SAXO1: variants seen among roughly 807,000 people sequenced by gnomAD.
The protein encoded by SAXO1 is stabilizer of axonemal microtubules 1.
Under a neutral mutation model 17.5 loss-of-function variants are expected in SAXO1, and 21 were observed. The ratio of observed to expected loss-of-function variants is 1.20; its 90% CI spans 0.85 to 1.72. The LOEUF (loss-of-function observed/expected upper bound fraction) is 1.72. SAXO1 is among the 40% of genes most tolerant of loss of function. SAXO1 has a pLI of 0.00. For missense variants in SAXO1, 843 were observed against 596.0 expected (o/e 1.41, Z -4.32); for synonymous variants, 274 against 216.5 (o/e 1.27, Z -2.33).
intron 3 of SAXO1, among the ~76,000 whole-genome samples, chr9:18,938,360 G>C (rs150600865): frequency 1.4e-3 from 217 of 152,276 alleles, no homozygotes; most frequent in African/African-American, 4.9e-3. Flanking sequence ...GGTAGCATCT[G>C]TTTCTGGGGA....
intron 1 of SAXO1, among the ~76,000 whole-genome samples, chr9:19,021,777 G>C (rs1311028757): frequency 2.0e-5 from 3 of 152,216 alleles, no homozygotes; most frequent in African/African-American, 7.2e-5. Flanking sequence ...CTGTAAAACT[G>C]CACCAGTCAG....
intron 1 of SAXO1, among the ~76,000 whole-genome samples, chr9:18,957,595 A>T (rs1832306567): frequency 6.6e-6 from 1 of 152,212 alleles, no homozygotes; most frequent in African/African-American, 2.4e-5. Flanking sequence ...AGCAGTGCAG[A>T]TAATGCATTC....
In SAXO1 at chr9:18,928,602, A is replaced by G. The variant is rs1830889160; in HGVS notation, c.875T>C (p.Ile292Thr). ...CCTGTCTTCGGGAGGGACGTAGGTG[A>G]TGGGAGCTTTGGAGAACATCCGGGG... is the stretch of plus-strand genomic sequence containing the variant. Reference protein sequence around the residue: ...PMPRMFSKAPITYVPPEDRMD... With the variant: ...PMPRMFSKAPTTYVPPEDRMD... The change falls in exon 4 of 4, where the codon ATC (isoleucine) becomes ACC (threonine). Residue 292 changes from isoleucine (I) to threonine (T), a missense_variant. Physicochemically the swap from Ile to Thr is moderately conservative, Grantham distance 89. Transcript: ENST00000380534. The G allele has an allele frequency of 6.2e-7, 1 of 1,613,982 alleles. No homozygotes were observed. Among genetic ancestry groups the G allele is most frequent in the African/African-American group, 1.3e-5 (1 of 74,884 alleles).
At chr9:19,027,947 C>A in intron 1 of SAXO1, 1 of 1,449,238 alleles carries the variant, frequency 6.9e-7, no homozygotes, top group Middle Eastern at 1.9e-4. Context: ...TCAGTCCTGA[C>A]GTGAACTGCG....
chr9:19,029,831 G>C (rs967689615), intron 1 of SAXO1, among the ~76,000 whole-genome samples: 1 of 152,164 alleles, frequency 6.6e-6, no homozygotes, highest in African/African-American at 2.4e-5. Flanking sequence ...ATACTGGACA[G>C]TACATCTCTA....
At chr9:18,989,285 G>A (rs376777710) in intron 1 of SAXO1, among the ~76,000 whole-genome samples, 1 of 152,110 alleles carries the variant, frequency 6.6e-6, no homozygotes, top group Non-Finnish European at 1.5e-5. Context: ...TGAAGAGCAG[G>A]CTCCTACATC....
intron 1 of SAXO1, among the ~76,000 whole-genome samples, chr9:18,968,009 C>T (rs1248390530): frequency 6.6e-6 from 1 of 152,182 alleles, no homozygotes; most frequent in South Asian, 2.1e-4. Context: ...GGGAGTTCCC[C>T]AACCCCTTAC....
At chr9:18,944,021 C>A (rs1430749906) in intron 2 of SAXO1, among the ~76,000 whole-genome samples, 2 of 152,254 alleles carry the variant, frequency 1.3e-5, no homozygotes, top group African/African-American at 4.8e-5. Context: ...CCCACGGCTT[C>A]TACCGGAAAA....
intron 1 of SAXO1, among the ~76,000 whole-genome samples, chr9:18,973,198 A>G (rs946499699): frequency 5.9e-5 from 9 of 152,236 alleles, no homozygotes; most frequent in Admixed American, 5.2e-4. Context: ...AGTGTTGTAC[A>G]GGTAGTTACC....
intron 1 of SAXO1, among the ~76,000 whole-genome samples, chr9:19,029,107 T>C (rs12236344): frequency 0.48 from 73,505 of 152,086 alleles, 19,478 homozygotes; most frequent in African/African-American, 0.71. Context: ...CCTCAGCAGC[T>C]GTGGGCAGCT....
intron 1 of SAXO1, among the ~76,000 whole-genome samples, chr9:19,045,680 GC>G (rs1405523563): frequency 2.0e-5 from 3 of 152,182 alleles, no homozygotes; most frequent in Admixed American, 2.0e-4. Context: ...AATGAGGCAG[GC>G]GGCAAGACTT....
At chr9:19,021,899 A>G (rs1588547240) in intron 1 of SAXO1, among the ~76,000 whole-genome samples, 2 of 152,242 alleles carry the variant, frequency 1.3e-5, no homozygotes, top group Non-Finnish European at 2.9e-5. Flanking sequence ...TGGACCAATC[A>G]GAAGGATGTG....
intron 1 of SAXO1, among the ~76,000 whole-genome samples, chr9:18,991,924 A>T (rs1334391220): frequency 6.6e-6 from 1 of 152,052 alleles, no homozygotes; most frequent in African/African-American, 2.4e-5. Context: ...GTCTGTAAAA[A>T]CTCAAGAGAC....
rs796449187 is a variant in SAXO1 at position 19,038,620 on chromosome 9, G to A, written c.-158+10589C>T. On this transcript the variant is annotated intron_variant, in intron 1 of 3. Coordinates refer to the SAXO1 transcript ENST00000542071. ...TGGGGACTGTTGTGGGGTGGGGGGAGGGGGGAGGGATAGCATGAGGGATAT... is the reference window on the plus strand; with the variant it reads ...TGGGGACTGTTGTGGGGTGGGGGGAAGGGGGAGGGATAGCATGAGGGATAT... Among the ~76,000 whole-genome samples the A allele has an allele frequency of 5.0e-4, 56 of 111,870 alleles. 1 individual carries two copies. The highest frequency in any genetic ancestry group is 1.8e-3 in the African/African-American group (53 of 29,128). 73.4% of individuals were successfully genotyped at this position (111,870 alleles called of 152,430 possible). A position where few individuals can be genotyped will look rare whatever the true frequency, so the allele number is the denominator to read the frequency against.
intron 1 of SAXO1, among the ~76,000 whole-genome samples, chr9:18,958,604 C>G (rs535001611): frequency 1.3e-5 from 2 of 152,102 alleles, no homozygotes; most frequent in South Asian, 2.1e-4. Flanking sequence ...CAGTCGCTGC[C>G]TGAGTGCCAC....
chr9:19,039,694 T>A (rs2131068535), intron 1 of SAXO1, among the ~76,000 whole-genome samples: 1 of 152,294 alleles, frequency 6.6e-6, no homozygotes, highest in Non-Finnish European at 1.5e-5. Flanking sequence ...GTTGGCTTCA[T>A]TATGTTTTAT....
intron 1 of SAXO1, among the ~76,000 whole-genome samples, chr9:19,019,770 C>A (rs1835146588): frequency 6.6e-6 from 1 of 152,118 alleles, no homozygotes; most frequent in Admixed American, 6.6e-5. Context: ...ACTTCAATTT[C>A]TTATGGTTCT....
At chr9:18,955,884 T>G (rs1051263542) in intron 1 of SAXO1, among the ~76,000 whole-genome samples, 11 of 152,010 alleles carry the variant, frequency 7.2e-5, no homozygotes. Context: ...TGCATGAGAT[T>G]ATGTCCCCAC....
chr9:18,942,352 C>G (rs116825840), intron 2 of SAXO1, among the ~76,000 whole-genome samples: 3 of 152,126 alleles, frequency 2.0e-5, no homozygotes, highest in Admixed American at 1.3e-4. Context: ...TTGTCTCTCA[C>G]GATCCCCACC....
Sources: gnomAD v4.1 joint callset for allele counts (sites outside exome capture counted in the v4.1 genomes callset) on GRCh38, gnomAD v4.1.1 for gene constraint, MANE v1.5 for transcripts, NCBI Gene and HGNC (gene_info 2026-07-23, HGNC 2026-07-21) for gene names.